KCNJ4: variants seen among roughly 807,000 people sequenced by gnomAD.
KCNJ4 encodes potassium inwardly rectifying channel subfamily J member 4, also known as inward rectifier potassium channel 4.
In KCNJ4, 3 loss-of-function variants were observed where a neutral mutation model predicts 25.6. The ratio of observed to expected loss-of-function variants is 0.12; its 90% CI spans 0.05 to 0.30. The LOEUF is 0.30. Ranked by LOEUF, KCNJ4 falls within the 10% of genes least tolerant of loss-of-function variation. The pLI, the probability that KCNJ4 is intolerant of heterozygous loss-of-function variation, is 1.00. For synonymous variants in KCNJ4, 257 were observed against 283.9 expected, an observed-to-expected ratio of 0.91 and a Z score of 0.95; for missense variants, 286 against 666.8, an observed-to-expected ratio of 0.43 and a Z score of 6.29.
intron 1 of KCNJ4, among the ~76,000 whole-genome samples, chr22:38,437,598 G>A (rs1203652695): frequency 6.6e-6 from 1 of 152,196 alleles, no homozygotes; most frequent in African/African-American, 2.4e-5. Flanking sequence ...GACACACTCT[G>A]GATGGTAGGC....
chr22:38,448,090 G>GA, intron 1 of KCNJ4, among the ~76,000 whole-genome samples: 1 of 148,182 alleles, frequency 6.7e-6, no homozygotes, highest in South Asian at 2.2e-4. Context: ...GAAAAGAAAA[G>GA]AAAAAAGTAG....
intron 1 of KCNJ4, among the ~76,000 whole-genome samples, chr22:38,453,685 C>T (rs935309741): frequency 2.6e-5 from 4 of 152,104 alleles, no homozygotes; most frequent in African/African-American, 7.2e-5. Context: ...TGGAAGATGA[C>T]GGTTGGGAGG....
chr22:38,439,216 G>A (rs1318687312), intron 1 of KCNJ4, among the ~76,000 whole-genome samples: 2 of 152,094 alleles, frequency 1.3e-5, no homozygotes, highest in African/African-American at 2.4e-5. Flanking sequence ...GATGGATCAC[G>A]AGGTCAGGAG....
At chr22:38,441,659 G>A (rs532296625) in intron 1 of KCNJ4, among the ~76,000 whole-genome samples, 167 of 152,298 alleles carry the variant, frequency 1.1e-3, no homozygotes, top group African/African-American at 3.8e-3. Context: ...AGTGGCGTGG[G>A]AGCAGGGAGG....
At chr22:38,447,400 T>G (rs1331284587) in intron 1 of KCNJ4, among the ~76,000 whole-genome samples, 1 of 152,170 alleles carries the variant, frequency 6.6e-6, no homozygotes, top group Non-Finnish European at 1.5e-5. Context: ...CCCCTCTGCC[T>G]GCTCCATTTC....
intron 1 of KCNJ4, among the ~76,000 whole-genome samples, chr22:38,435,415 G>A (rs952491962): frequency 8.5e-5 from 13 of 152,156 alleles, no homozygotes; most frequent in African/African-American, 2.2e-4. Flanking sequence ...AGAATTTGCC[G>A]GGCACGGTGG....
At chr22:38,433,727 C>T (rs544954547) in intron 1 of KCNJ4, among the ~76,000 whole-genome samples, 16 of 152,254 alleles carry the variant, frequency 1.1e-4, no homozygotes, top group African/African-American at 2.4e-4. Context: ...GCACCGTGTC[C>T]GAGGTGGCAC....
chr22:38,433,896 C>T (rs560915969), intron 1 of KCNJ4, among the ~76,000 whole-genome samples: 3 of 152,294 alleles, frequency 2.0e-5, no homozygotes, highest in South Asian at 2.1e-4. Flanking sequence ...TAGGTTTTCC[C>T]GACAATTTTA....
intron 1 of KCNJ4, among the ~76,000 whole-genome samples, chr22:38,451,621 G>A (rs931463026): frequency 6.6e-6 from 1 of 152,198 alleles, no homozygotes; most frequent in Non-Finnish European, 1.5e-5. Flanking sequence ...GTTACACAGG[G>A]ACATCTGTCT....
At chr22:38,454,387 G>A (rs942264294) in intron 1 of KCNJ4, among the ~76,000 whole-genome samples, 2 of 152,072 alleles carry the variant, frequency 1.3e-5, no homozygotes, top group African/African-American at 4.8e-5. Context: ...GACCTCTCTT[G>A]CCTTGGGGTG....
intron 1 of KCNJ4, among the ~76,000 whole-genome samples, chr22:38,439,968 G>A (rs567116349): frequency 6.6e-6 from 1 of 151,430 alleles, no homozygotes; most frequent in African/African-American, 2.4e-5. Flanking sequence ...GCGGGCACCT[G>A]CAGTCCCAGC....
At chr22:38,444,175 A>T (rs2089357248) in intron 1 of KCNJ4, among the ~76,000 whole-genome samples, 1 of 152,176 alleles carries the variant, frequency 6.6e-6, no homozygotes, top group African/African-American at 2.4e-5. Context: ...TCTCATCTGC[A>T]ACATCATTAC....
At chr22:38,446,448 C>G (rs1460969813) in intron 1 of KCNJ4, among the ~76,000 whole-genome samples, 1 of 152,178 alleles carries the variant, frequency 6.6e-6, no homozygotes. Context: ...CCTTGCCCAC[C>G]AAAGCAGTTC....
chr22:38,437,939 C>A (rs1371980907), intron 1 of KCNJ4, among the ~76,000 whole-genome samples: 3 of 151,982 alleles, frequency 2.0e-5, no homozygotes, highest in Non-Finnish European at 4.4e-5. Context: ...CCTGTCTCTA[C>A]TAAAACTACA....
intron 1 of KCNJ4, among the ~76,000 whole-genome samples, chr22:38,435,173 C>T (rs2093061776): frequency 6.6e-6 from 1 of 152,124 alleles, no homozygotes; most frequent in Non-Finnish European, 1.5e-5. Flanking sequence ...AAACGAGGCA[C>T]CCAGACAGAG....
rs373931630 is a variant in KCNJ4, at chr22:38,449,527, C to T, written c.-40+5453G>A. ...GCCATCTGAGCAGCCCTCACGCATG[C>T]GCATGCGTGTGTGCCTGTGTCTGTG... is the stretch of plus-strand genomic sequence containing the variant. On this transcript the variant is annotated intron_variant, in intron 1 of 1. Coordinates refer to ENST00000303592, the MANE Select transcript of KCNJ4 (RefSeq NM_152868.3). This position sits in a 1 kb window ranked among gnomAD's most constrained non-coding sequence, Gnocchi z 5.2. Among the ~76,000 whole-genome samples the T allele has an allele frequency of 2.6e-5, 4 of 152,190 alleles. No homozygotes were observed. Among genetic ancestry groups the T allele is most frequent in the Non-Finnish European group, 4.4e-5 (3 of 68,020 alleles).
chr22:38,427,230 G>A lies in KCNJ4; in HGVS notation c.903C>T (p.Thr301=), dbSNP rs78901368. The A allele has an allele frequency of 3.2e-3, 5,180 of 1,613,520 alleles. 145 individuals carry two copies. In the African/African-American group the frequency reaches 0.06, roughly 19 times the overall value. ...TGGCCAGGTAGGAGCTGCGGGCCTG[G>A]GTGGTCATGGCCGTGGCCTCCACCA... ...EGMVEATAMT[T]QARSSYLASE... Residue 301 remains threonine (T), a synonymous_variant, in exon 2 of 2, where the codon ACC becomes ACT. Coordinates refer to ENST00000303592, the MANE Select transcript of KCNJ4 (RefSeq NM_152868.3).
chr22:38,452,995 G>A (rs1471590769), intron 1 of KCNJ4, among the ~76,000 whole-genome samples: 1 of 151,714 alleles, frequency 6.6e-6, no homozygotes, highest in Non-Finnish European at 1.5e-5. Context: ...CCCCGCAGAG[G>A]GGCCCCCTCC....
At chr22:38,430,502 C>T (rs911128619) in intron 1 of KCNJ4, among the ~76,000 whole-genome samples, 7 of 151,396 alleles carry the variant, frequency 4.6e-5, no homozygotes, top group African/African-American at 1.2e-4. Flanking sequence ...GACTTCGTCT[C>T]GAAAAAAAAA....
Sources: gnomAD v4.1 joint callset for allele counts (sites outside exome capture counted in the v4.1 genomes callset) on GRCh38, gnomAD v4.1.1 for gene constraint, Gnocchi (gnomAD v3.1) non-coding constraint, MANE v1.5 for transcripts, NCBI Gene and HGNC (gene_info 2026-07-23, HGNC 2026-07-21) for gene names.